Variants in RAPGEF5 observed in about 807,000 individuals in gnomAD.
RAPGEF5 encodes Rap guanine nucleotide exchange factor 5, also known as M-Ras-regulated GEF.
A neutral mutation model predicts 125.2 loss-of-function variants in RAPGEF5; 65 were observed. That is an observed-to-expected ratio of 0.52 (90% CI 0.43 to 0.64). The LOEUF is 0.64. RAPGEF5 is among the 30% of genes least tolerant of loss of function. The pLI is 0.00. For synonymous variants in RAPGEF5, 391 were observed against 385.9 expected, an observed-to-expected ratio of 1.01 and a Z score of -0.16; for missense variants, 958 against 1,048.1, an observed-to-expected ratio of 0.91 and a Z score of 1.19.
At chr7:22,247,227 G>C (rs984905175) in intron 7 of RAPGEF5, among the ~76,000 whole-genome samples, 2 of 152,072 alleles carry the variant, frequency 1.3e-5, no homozygotes, top group Non-Finnish European at 2.9e-5. Flanking sequence ...CCCATTACTG[G>C]GTATATTTCC....
At chr7:22,174,001 T>C (rs1302119476) in intron 11 of RAPGEF5, among the ~76,000 whole-genome samples, 1 of 152,166 alleles carries the variant, frequency 6.6e-6, no homozygotes, top group South Asian at 2.1e-4. Context: ...GCCTAATGCA[T>C]AGTCCTTAAT....
chr7:22,163,428 A>G (rs1307456590), intron 12 of RAPGEF5, among the ~76,000 whole-genome samples: 2 of 152,170 alleles, frequency 1.3e-5, no homozygotes, highest in African/African-American at 4.8e-5. Flanking sequence ...CAAGTAAGAA[A>G]AGAATATGTT....
At chr7:22,299,058 T>C (rs1435745279) in intron 5 of RAPGEF5, among the ~76,000 whole-genome samples, 1 of 151,442 alleles carries the variant, frequency 6.6e-6, no homozygotes, top group Non-Finnish European at 1.5e-5. Flanking sequence ...AGTTTCATTA[T>C]TTTTTTTTCT....
intron 7 of RAPGEF5, among the ~76,000 whole-genome samples, chr7:22,243,786 T>C (rs1000623281): frequency 6.6e-6 from 1 of 152,188 alleles, no homozygotes; most frequent in African/African-American, 2.4e-5. Flanking sequence ...AGTGAAAACA[T>C]TGAGAATCTA....
chr7:22,123,432 T>A (rs540054030), intron 25 of RAPGEF5, among the ~76,000 whole-genome samples: 1 of 152,324 alleles, frequency 6.6e-6, no homozygotes, highest in East Asian at 1.9e-4. Context: ...GAAGACATCA[T>A]ATCCTGTTGC....
intron 11 of RAPGEF5, among the ~76,000 whole-genome samples, chr7:22,189,194 AT>A (rs1687332852): frequency 6.6e-6 from 1 of 151,596 alleles, no homozygotes; most frequent in Non-Finnish European, 1.5e-5. Context: ...TCATAAGTAC[AT>A]TTTCTTCAAA....
At chr7:22,292,431 C>G (rs1782955945) in intron 5 of RAPGEF5, among the ~76,000 whole-genome samples, 1 of 152,216 alleles carries the variant, frequency 6.6e-6, no homozygotes, top group Non-Finnish European at 1.5e-5. Context: ...CTGATGTTGT[C>G]AAATAACTTA....
intron 20 of RAPGEF5, among the ~76,000 whole-genome samples, chr7:22,141,485 C>G (rs971341666): frequency 6.6e-6 from 1 of 152,220 alleles, no homozygotes; most frequent in African/African-American, 2.4e-5. Flanking sequence ...TGTGCTCTGG[C>G]AGGCCCTGCC....
chr7:22,326,966 AT>A (rs1214433815), intron 1 of RAPGEF5, among the ~76,000 whole-genome samples: 1 of 152,218 alleles, frequency 6.6e-6, no homozygotes, highest in Non-Finnish European at 1.5e-5. Context: ...CTCAAGTTGT[AT>A]ACATTACATA....
intron 7 of RAPGEF5, among the ~76,000 whole-genome samples, chr7:22,247,598 CTG>C (rs1246872646): frequency 6.6e-6 from 1 of 152,082 alleles, no homozygotes; most frequent in Non-Finnish European, 1.5e-5. Context: ...TCATGTGGAA[CTG>C]TGAGTCCTCC....
Position 22,310,108 on chromosome 7 carries a change from C to T in RAPGEF5, c.390-18G>A, listed in dbSNP as rs1209752112. On this transcript the variant is annotated intron_variant, in intron 3 of 25. Transcript: ENST00000665637. ...AGCTCCTCCTGAACAAAAGCAAAGC[C>T]ATTCACAGTAAGATATTGCTGACAT... is the stretch of plus-strand genomic sequence containing the variant. 2 of 1,527,410 alleles carry T rather than the reference C, an allele frequency of 1.3e-6. No individual in the cohort carries two copies. The highest frequency in any genetic ancestry group is 2.9e-5 in the African/African-American group (2 of 69,786). The allele number at this position is 1,527,410 out of a possible 1,614,324, so 94.6% of individuals were successfully genotyped here.
intron 1 of RAPGEF5, among the ~76,000 whole-genome samples, chr7:22,337,221 T>C (rs1471953444): frequency 2.6e-5 from 4 of 152,242 alleles, no homozygotes; most frequent in South Asian, 2.1e-4. Flanking sequence ...GCTGGTTTGG[T>C]TGGGGATGTA....
chr7:22,242,377 C>T (rs976644357), intron 7 of RAPGEF5, among the ~76,000 whole-genome samples: 11 of 152,156 alleles, frequency 7.2e-5, no homozygotes, highest in African/African-American at 2.2e-4. Context: ...TGCTATGGAG[C>T]CTCCCCTTAC....
In RAPGEF5 at chr7:22,157,846, T is replaced by C. The variant is rs1263614145; in HGVS notation, c.1557+9A>G. On this transcript the variant is annotated intron_variant, in intron 15 of 25. Coordinates refer to ENST00000665637, the MANE Select transcript of RAPGEF5 (RefSeq NM_012294.5). ...TCACCTAATTTTAGGTATAGAAGCA[T>C]CTGCTTACCTTTTTTTGTGGTGAAT... 1 of 1,610,660 alleles carries C rather than the reference T, an allele frequency of 6.2e-7. No individual in the cohort carries two copies. The highest frequency in any genetic ancestry group is 8.5e-7 in the Non-Finnish European group (1 of 1,176,918).
intron 7 of RAPGEF5, among the ~76,000 whole-genome samples, chr7:22,257,765 G>A (rs1307142193): frequency 6.6e-6 from 1 of 152,118 alleles, no homozygotes. Flanking sequence ...TTTCCCAAAT[G>A]TATTGTAGTT....
chr7:22,184,053 T>G (rs1174434423), intron 11 of RAPGEF5, among the ~76,000 whole-genome samples: 2 of 152,208 alleles, frequency 1.3e-5, no homozygotes, highest in African/African-American at 4.8e-5. Context: ...ACTTGAACTT[T>G]CCGTTTACAA....
chr7:22,131,462 C>G (rs530440329), intron 23 of RAPGEF5, among the ~76,000 whole-genome samples: 1 of 152,264 alleles, frequency 6.6e-6, no homozygotes, highest in African/African-American at 2.4e-5. Context: ...ACTGAATACC[C>G]AGAAACAACA....
At chr7:22,320,152 T>G (rs1361281395) in intron 1 of RAPGEF5, among the ~76,000 whole-genome samples, 1 of 152,196 alleles carries the variant, frequency 6.6e-6, no homozygotes. Flanking sequence ...AGGTTGGCTG[T>G]CAGGAACTCC....
At chr7:22,281,828 A>C (rs1245038198) in intron 6 of RAPGEF5, among the ~76,000 whole-genome samples, 1 of 152,208 alleles carries the variant, frequency 6.6e-6, no homozygotes, top group Non-Finnish European at 1.5e-5. Flanking sequence ...CAATCCTCTC[A>C]GGAGCCTCAC....
Sources: gnomAD v4.1 joint callset for allele counts (sites outside exome capture counted in the v4.1 genomes callset) on GRCh38, gnomAD v4.1.1 for gene constraint, MANE v1.5 for transcripts, NCBI Gene and HGNC (gene_info 2026-07-23, HGNC 2026-07-21) for gene names.